The following LDLRAD4 variants were observed in gnomAD, a reference collection of about 807,000 sequenced individuals.
LDLRAD4 encodes the protein low density lipoprotein receptor class A domain containing 4.
A neutral mutation model predicts 17.0 loss-of-function variants in LDLRAD4; 5 were observed. That is an observed-to-expected ratio of 0.29 (90% CI 0.15 to 0.62). LDLRAD4 has a LOEUF of 0.62. LDLRAD4 is among the 20% of genes least tolerant of loss of function. The pLI, the probability that LDLRAD4 is intolerant of heterozygous loss-of-function variation, is 0.84. For missense variants in LDLRAD4, 340 were observed against 424.7 expected, an observed-to-expected ratio of 0.80 and a Z score of 1.75; for synonymous variants, 168 against 171.8, an observed-to-expected ratio of 0.98 and a Z score of 0.17.
At chr18:13,586,225 TGGCAAAACCCC>T (rs2094930777) in intron 3 of LDLRAD4, among the ~76,000 whole-genome samples, 1 of 151,666 alleles carries the variant, frequency 6.6e-6, no homozygotes, top group South Asian at 2.1e-4. Flanking sequence ...CTGGCCAACA[TGGCAAAACCCC>T]GTCTCTACTA....
intron 1 of LDLRAD4, 74 bp downstream of exon 2, chr18:13,278,262 C>G (rs1259181306): frequency 6.6e-6 from 1 of 152,398 alleles, no homozygotes; most frequent in Non-Finnish European, 1.5e-5. Context: ...AGGAGCTGCT[C>G]TGCAGTGGTG....
chr18:13,285,045 T>G (rs994845759), intron 1 of LDLRAD4, among the ~76,000 whole-genome samples: 5 of 152,202 alleles, frequency 3.3e-5, no homozygotes, highest in African/African-American at 7.2e-5. Flanking sequence ...GGGCTGCCCT[T>G]TCAAAGAGAG....
chr18:13,390,516 C>T (rs1400835283), intron 2 of LDLRAD4, among the ~76,000 whole-genome samples: 2 of 152,214 alleles, frequency 1.3e-5, no homozygotes, highest in African/African-American at 4.8e-5. Context: ...TTGGCATCAC[C>T]TAGACCTGCT....
chr18:13,571,872 G>A (rs1003710536), intron 3 of LDLRAD4, among the ~76,000 whole-genome samples: 1 of 152,136 alleles, frequency 6.6e-6, no homozygotes, highest in Non-Finnish European at 1.5e-5. Flanking sequence ...TCCTGACCTC[G>A]TGATCCACCC....
chr18:13,605,114 G>T (rs188775773), intron 3 of LDLRAD4, among the ~76,000 whole-genome samples: 1 of 152,214 alleles, frequency 6.6e-6, no homozygotes, highest in East Asian at 1.9e-4. Flanking sequence ...TGTCCAGAGC[G>T]CAGAATTAGA....
chr18:13,628,866 T>G (rs1316726432), intron 4 of LDLRAD4, among the ~76,000 whole-genome samples: 2 of 152,240 alleles, frequency 1.3e-5, no homozygotes, highest in Non-Finnish European at 1.5e-5. Flanking sequence ...GATCTCACTT[T>G]GTTGCGCAGG....
At chr18:13,265,676 G>A (rs1190193741) in intron 1 of LDLRAD4, among the ~76,000 whole-genome samples, 2 of 152,154 alleles carry the variant, frequency 1.3e-5, no homozygotes, top group African/African-American at 2.4e-5. Context: ...CCCCAGGCAC[G>A]TTTCCGAGGA....
chr18:13,260,459 A>G (rs2043753577), intron 1 of LDLRAD4, among the ~76,000 whole-genome samples: 1 of 152,184 alleles, frequency 6.6e-6, no homozygotes, highest in Non-Finnish European at 1.5e-5. Flanking sequence ...TGCTTTGCAA[A>G]TCTTTCTCTA....
chr18:13,377,689 C>T (rs1395695814), intron 1 of LDLRAD4, among the ~76,000 whole-genome samples: 1 of 152,186 alleles, frequency 6.6e-6, no homozygotes, highest in Non-Finnish European at 1.5e-5. Context: ...TGGACATACT[C>T]AGGCAGTGAG....
upstream of LDLRAD4, among the ~76,000 whole-genome samples, chr18:13,277,000 G>A (rs1042234342): frequency 6.6e-6 from 1 of 152,216 alleles, no homozygotes; most frequent in Non-Finnish European, 1.5e-5. Flanking sequence ...AAAATCAGCA[G>A]TGGGTTGTTT....
intron 3 of LDLRAD4, among the ~76,000 whole-genome samples, chr18:13,599,486 ATTTTTTTTTT>A (rs35131642): frequency 3.8e-4 from 31 of 81,762 alleles, no homozygotes; most frequent in African/African-American, 1.4e-3. Flanking sequence ...TGAGTCTCCA[ATTTTTTTTTT>A]TTTTTTTTTT....
chr18:13,482,331 T>C (rs1016634601), intron 3 of LDLRAD4, among the ~76,000 whole-genome samples: 2 of 152,188 alleles, frequency 1.3e-5, no homozygotes, highest in Non-Finnish European at 2.9e-5. Context: ...CGCAGGCAGC[T>C]GCATAAAAAG....
Position 13,291,699 on chromosome 18 carries a change from G to A in LDLRAD4, c.-383+13511G>A, listed in dbSNP as rs77228308. Among the ~76,000 whole-genome samples, 1,119 of 152,206 alleles carry A rather than the reference G, an allele frequency of 7.4e-3. 17 individuals carry two copies. Among genetic ancestry groups the A allele is most frequent in the African/African-American group, 0.024 (979 of 41,520 alleles). On this transcript the variant is annotated intron_variant, in intron 1 of 5. Coordinates refer to ENST00000359446, the Ensembl canonical transcript of LDLRAD4. ...GGGTCTCATCAGTATAAGTGTGATC[G>A]ATCTTTAAAAACTCCTGAATTTTAA... is the stretch of plus-strand genomic sequence containing the variant.
intron 3 of LDLRAD4, among the ~76,000 whole-genome samples, chr18:13,575,094 A>G (rs1430702889): frequency 1.3e-5 from 2 of 152,232 alleles, no homozygotes; most frequent in Non-Finnish European, 2.9e-5. Context: ...TTATTTCTGT[A>G]GGTTTTTGGG....
chr18:13,251,646 G>C (rs2043226451), intron 1 of LDLRAD4, among the ~76,000 whole-genome samples: 1 of 152,056 alleles, frequency 6.6e-6, no homozygotes, highest in African/African-American at 2.4e-5. Context: ...AAAATACCTA[G>C]GGATAAACTT....
At chr18:13,280,769 T>C (rs2045220962) in intron 1 of LDLRAD4, among the ~76,000 whole-genome samples, 1 of 152,252 alleles carries the variant, frequency 6.6e-6, no homozygotes, top group South Asian at 2.1e-4. Context: ...GGTTTTCTTC[T>C]TGGTCCTTAA....
intron 1 of LDLRAD4, among the ~76,000 whole-genome samples, chr18:13,370,060 CTAAT>C (rs139495516): frequency 0.07 from 10,670 of 152,308 alleles, 456 homozygotes; most frequent in Non-Finnish European, 0.099. Context: ...AGCCAACGCA[CTAAT>C]TAAATTCCTG....
chr18:13,525,508 G>A (rs1186137413), intron 3 of LDLRAD4, among the ~76,000 whole-genome samples: 1 of 152,248 alleles, frequency 6.6e-6, no homozygotes, highest in African/African-American at 2.4e-5. Flanking sequence ...AACGTCATTC[G>A]TTTTGCAGAA....
At chr18:13,260,399 C>T (rs770572565) in intron 1 of LDLRAD4, among the ~76,000 whole-genome samples, 78 of 152,328 alleles carry the variant, frequency 5.1e-4, no homozygotes, top group African/African-American at 1.7e-3. Context: ...AATCTGGCTG[C>T]GGAAGATTTT....
Sources: gnomAD v4.1 joint callset for allele counts (sites outside exome capture counted in the v4.1 genomes callset) on GRCh38, gnomAD v4.1.1 for gene constraint, MANE v1.5 for transcripts, NCBI Gene and HGNC (gene_info 2026-07-23, HGNC 2026-07-21) for gene names.